The following ERI3 variants were observed in gnomAD, a reference collection of about 807,000 sequenced individuals.
ERI3 encodes the protein ERI1 exoribonuclease family member 3, also known as ERI1 exoribonuclease 3.
A neutral mutation model predicts 44.4 loss-of-function variants in ERI3; 18 were observed. The observed-to-expected ratio is 0.41, with a 90% confidence interval of 0.28 to 0.60. The LOEUF (loss-of-function observed/expected upper bound fraction) is 0.60. ERI3 is among the 20% of genes least tolerant of loss of function. The pLI is 0.36. For synonymous variants in ERI3, 183 were observed against 164.8 expected, an observed-to-expected ratio of 1.11 and a Z score of -0.84; for missense variants, 294 against 435.5, an observed-to-expected ratio of 0.68 and a Z score of 2.89.
chr1:44,265,565 C>A, intron 7 of ERI3, among the ~76,000 whole-genome samples: 1 of 151,112 alleles, frequency 6.6e-6, no homozygotes, highest in Non-Finnish European at 1.5e-5. Context: ...TTTAAAAAGG[C>A]AAAAATGACA....
At chr1:44,292,470 A>C (rs1645527510) in intron 6 of ERI3, among the ~76,000 whole-genome samples, 1 of 152,118 alleles carries the variant, frequency 6.6e-6, no homozygotes, top group Non-Finnish European at 1.5e-5. Flanking sequence ...GTGGAACCTG[A>C]TTTCTCTCTT....
At chr1:44,266,289 C>T (rs1401447632) in intron 7 of ERI3, among the ~76,000 whole-genome samples, 1 of 152,164 alleles carries the variant, frequency 6.6e-6, no homozygotes, top group African/African-American at 2.4e-5. Flanking sequence ...GGCAAGAAGG[C>T]AGCAAAGGAC....
Position 44,334,878 on chromosome 1 carries a change from A to G in ERI3, c.489+4167T>C, listed in dbSNP as rs111785359. Among the ~76,000 whole-genome samples, 156 of 152,326 alleles carry G rather than the reference A, an allele frequency of 1.0e-3. 1 individual carries two copies. Among genetic ancestry groups the G allele is most frequent in the African/African-American group, 3.6e-3 (151 of 41,572 alleles). On this transcript the variant is annotated intron_variant, in intron 3 of 8. Transcript: ENST00000372257. ...GGCATTCCTTTAAGATAGTCCCAAT[A>G]AGCTGACTCAACTAACTCAGGAACT...
At chr1:44,340,214 C>T (rs1288713455) in intron 2 of ERI3, among the ~76,000 whole-genome samples, 1 of 151,214 alleles carries the variant, frequency 6.6e-6, no homozygotes, top group Non-Finnish European at 1.5e-5. Context: ...TTGCAGAATG[C>T]CTGCTCCTCA....
intron 3 of ERI3, among the ~76,000 whole-genome samples, chr1:44,328,846 C>T (rs938552004): frequency 1.3e-5 from 2 of 152,146 alleles, no homozygotes; most frequent in African/African-American, 4.8e-5. Context: ...TTTAAGCACC[C>T]GAGTCAAGCC....
intron 3 of ERI3, among the ~76,000 whole-genome samples, chr1:44,330,592 C>T (rs531799612): frequency 6.6e-6 from 1 of 152,368 alleles, no homozygotes; most frequent in South Asian, 2.1e-4. Context: ...AAACGCTTTT[C>T]TGCCTGTGCC....
chr1:44,250,240 G>A (rs966004635), intron 7 of ERI3, among the ~76,000 whole-genome samples: 2 of 152,324 alleles, frequency 1.3e-5, no homozygotes, highest in South Asian at 2.1e-4. Context: ...TTAAAGCGAC[G>A]GGCGGGCGGC....
At chr1:44,226,995 G>A (rs868086462) in intron 8 of ERI3, among the ~76,000 whole-genome samples, 4 of 151,990 alleles carry the variant, frequency 2.6e-5, no homozygotes, top group South Asian at 2.1e-4. Context: ...CTTTTGAAAC[G>A]ACAGCTCTAT....
chr1:44,317,888 A>AG, intron 4 of ERI3, among the ~76,000 whole-genome samples: 1 of 152,300 alleles, frequency 6.6e-6, no homozygotes. Context: ...TGGCCAAAAA[A>AG]GGATGGACAA....
At chr1:44,245,857 C>T (rs1375691595) in intron 8 of ERI3, among the ~76,000 whole-genome samples, 1 of 152,190 alleles carries the variant, frequency 6.6e-6, no homozygotes. Flanking sequence ...TAGCCCCCAG[C>T]CAGTTCTTCC....
chr1:44,316,046 C>T (rs935133374), intron 4 of ERI3, among the ~76,000 whole-genome samples: 15 of 151,080 alleles, frequency 9.9e-5, no homozygotes, highest in African/African-American at 3.2e-4. Flanking sequence ...CTATAAGACA[C>T]GTGTAAGGTT....
At chr1:44,233,592 GCC>G (rs1644236985) in intron 8 of ERI3, among the ~76,000 whole-genome samples, 2 of 151,900 alleles carry the variant, frequency 1.3e-5, no homozygotes, top group Admixed American at 6.6e-5. Context: ...CACTTTCTAA[GCC>G]CATCCCTCCA....
intron 7 of ERI3, among the ~76,000 whole-genome samples, chr1:44,273,574 C>A (rs1343636946): frequency 1.3e-5 from 2 of 152,174 alleles, no homozygotes; most frequent in East Asian, 1.9e-4. Context: ...AGGTCCAGTG[C>A]CATGCACTGG....
At chr1:44,339,360 AAAAG>A (rs1235628039) in intron 2 of ERI3, 38 bp from the exon 3 acceptor site, 3 of 1,442,422 alleles carry the variant, frequency 2.1e-6, no homozygotes, top group South Asian at 1.5e-5. Flanking sequence ...AAAAAAAAAG[AAAAG>A]AAAGAAAAAA....
Position 44,336,125 on chromosome 1 carries a change from C to T in ERI3, c.489+2920G>A, listed in dbSNP as rs190497825. On this transcript the variant is annotated intron_variant, in intron 3 of 8. Transcript: ENST00000372257. ...TTTGTGCCTCTAATGATTTGTGGTC[C>T]AATTCCTGAGCTTTTCCAATTTCTC... is the stretch of plus-strand genomic sequence containing the variant. 2.4e-4 allele frequency among the ~76,000 whole-genome samples: 36 copies of T among 152,238 alleles called. No individual in the cohort carries two copies. In the East Asian group the frequency reaches 6.9e-3, roughly 29 times the overall value.
intron 6 of ERI3, among the ~76,000 whole-genome samples, chr1:44,305,620 T>TA (rs1437462067): frequency 1.1e-4 from 16 of 152,176 alleles, no homozygotes; most frequent in African/African-American, 3.9e-4. Flanking sequence ...AAGATGGACA[T>TA]AAAATGATTT....
At chr1:44,244,907 C>A (rs939108354) in intron 8 of ERI3, among the ~76,000 whole-genome samples, 12 of 152,138 alleles carry the variant, frequency 7.9e-5, no homozygotes, top group Non-Finnish European at 1.5e-5. Context: ...CTGAGCAGAC[C>A]CTGGACATGG....
intron 8 of ERI3, among the ~76,000 whole-genome samples, chr1:44,227,196 C>A (rs892652324): frequency 3.3e-5 from 5 of 152,182 alleles, no homozygotes; most frequent in African/African-American, 1.2e-4. Flanking sequence ...GGAGTCTCCA[C>A]AGGCCTCCTG....
chr1:44,316,288 C>T (rs1646086749), intron 4 of ERI3, among the ~76,000 whole-genome samples: 2 of 152,162 alleles, frequency 1.3e-5, no homozygotes, highest in Non-Finnish European at 2.9e-5. Context: ...GAGACCTTAG[C>T]CACTTAAAGC....
Sources: gnomAD v4.1 joint callset for allele counts (sites outside exome capture counted in the v4.1 genomes callset) on GRCh38, gnomAD v4.1.1 for gene constraint, MANE v1.5 for transcripts, NCBI Gene and HGNC (gene_info 2026-07-23, HGNC 2026-07-21) for gene names.